Variants in ERBB4 observed in about 807,000 individuals in gnomAD.
ERBB4 encodes the protein erb-b2 receptor tyrosine kinase 4.
A neutral mutation model predicts 158.0 loss-of-function variants in ERBB4; 42 were observed. The observed-to-expected ratio is 0.27, with a 90% CI of 0.21 to 0.34. The LOEUF (loss-of-function observed/expected upper bound fraction) is 0.34, where lower values mean the gene tolerates loss of function less well. Among genes scored for constraint, ERBB4 ranks in the 10% least tolerant of loss-of-function variants. The pLI is 1.00. For missense variants in ERBB4, 1,333 were observed against 1,624.1 expected, an observed-to-expected ratio of 0.82 and a Z score of 3.08; for synonymous variants, 583 against 558.7, an observed-to-expected ratio of 1.04 and a Z score of -0.61.
At position 211,420,428 on chromosome 2, in the gene ERBB4, A is replaced by G; in HGVS notation, c.3135+13T>C. The G allele has an allele frequency of 6.4e-7, 1 of 1,567,100 alleles. No homozygotes were observed. ...CAGAAAGAATATGATATGTGTATAT[A>G]ATTATTTCTTACCCTATTCGAGTCA... On this transcript the variant is annotated intron_variant, in intron 25 of 27. Coordinates refer to ENST00000342788, the MANE Select transcript of ERBB4 (RefSeq NM_005235.3).
intron 16 of ERBB4, among the ~76,000 whole-genome samples, chr2:211,635,558 C>T (rs912061372): frequency 2.0e-5 from 3 of 151,892 alleles, no homozygotes; most frequent in African/African-American, 4.8e-5. Flanking sequence ...TAAAAACATC[C>T]GGATATTTTC....
At chr2:212,520,268 T>C (rs1329891150) in intron 1 of ERBB4, among the ~76,000 whole-genome samples, 1 of 151,958 alleles carries the variant, frequency 6.6e-6, no homozygotes, top group Non-Finnish European at 1.5e-5. Context: ...AATTTATTGC[T>C]TTGCAGTAAA....
In ERBB4 at chr2:211,660,685, G is replaced by A. The variant is rs564578088; in HGVS notation, c.1872-2857C>T. On this transcript the variant is annotated intron_variant, in intron 15 of 27. Transcript: ENST00000342788. ...GAGTATAATGATCAATCTTGAAATAGCATGTAGGAGAAAGTTGAAACCATG... is the reference window on the plus strand; with the variant it reads ...GAGTATAATGATCAATCTTGAAATAACATGTAGGAGAAAGTTGAAACCATG... 2.4e-4 allele frequency among the ~76,000 whole-genome samples: 37 copies of A among 152,268 alleles called. No individual in the cohort carries two copies. In the South Asian group the frequency reaches 7.7e-3, roughly 32 times the overall value.
intron 9 of ERBB4, among the ~76,000 whole-genome samples, chr2:211,707,432 T>C (rs2073492341): frequency 6.6e-6 from 1 of 152,184 alleles, no homozygotes; most frequent in Non-Finnish European, 1.5e-5. Context: ...TGTTTGGTGA[T>C]CCAAAATAAA....
intron 1 of ERBB4, among the ~76,000 whole-genome samples, chr2:212,298,387 T>C (rs1453560441): frequency 1.3e-5 from 2 of 151,778 alleles, no homozygotes; most frequent in Non-Finnish European, 2.9e-5. Context: ...AACTTTGCTG[T>C]TAGGAATTAA....
chr2:212,421,257 T>C (rs551574557), intron 1 of ERBB4, among the ~76,000 whole-genome samples: 3 of 152,242 alleles, frequency 2.0e-5, no homozygotes, highest in African/African-American at 7.2e-5. Flanking sequence ...TCTACACTTT[T>C]CTAGAGATTT....
chr2:211,471,382 C>T (rs549294550), intron 20 of ERBB4, among the ~76,000 whole-genome samples: 1 of 152,208 alleles, frequency 6.6e-6, no homozygotes, highest in Admixed American at 6.6e-5. Flanking sequence ...CAGTGTATTG[C>T]TTCTCATCAA....
At chr2:211,618,768 T>G (rs531241533) in intron 19 of ERBB4, among the ~76,000 whole-genome samples, 9 of 152,182 alleles carry the variant, frequency 5.9e-5, no homozygotes, top group Non-Finnish European at 1.3e-4. Context: ...TCAGTGCAAC[T>G]AATTTTAAGA....
chr2:211,668,867 C>G (rs1310798743), intron 14 of ERBB4, among the ~76,000 whole-genome samples: 2 of 152,100 alleles, frequency 1.3e-5, no homozygotes, highest in African/African-American at 4.8e-5. Context: ...AAAAGCATCC[C>G]TGAATGGTAG....
intron 19 of ERBB4, among the ~76,000 whole-genome samples, chr2:211,607,054 C>T (rs2125824959): frequency 6.6e-6 from 1 of 152,088 alleles, no homozygotes; most frequent in Non-Finnish European, 1.5e-5. Context: ...CCTGATTCAC[C>T]AAAATTCTTT....
intron 3 of ERBB4, among the ~76,000 whole-genome samples, chr2:211,839,105 T>C (rs1575224315): frequency 1.5e-5 from 2 of 131,174 alleles, no homozygotes; most frequent in Non-Finnish European, 3.2e-5. Flanking sequence ...AGAAGCAAAA[T>C]ATTGAAAGAA....
intron 2 of ERBB4, among the ~76,000 whole-genome samples, chr2:212,008,153 C>T (rs536276167): frequency 6.6e-6 from 1 of 152,134 alleles, no homozygotes; most frequent in South Asian, 2.1e-4. Flanking sequence ...ATAGCACTAA[C>T]TTTAATTGTA....
intron 2 of ERBB4, among the ~76,000 whole-genome samples, chr2:211,979,341 T>C (rs2081724535): frequency 6.6e-6 from 1 of 152,186 alleles, no homozygotes; most frequent in Admixed American, 6.5e-5. Context: ...AAATTGCCTA[T>C]AGCAATTTGT....
chr2:211,559,423 T>C (rs1035503044), intron 20 of ERBB4, among the ~76,000 whole-genome samples: 2 of 152,200 alleles, frequency 1.3e-5, no homozygotes, highest in Admixed American at 1.3e-4. Flanking sequence ...GGTAACCATA[T>C]AATATGTTCT....
In ERBB4 at chr2:211,851,384, C is replaced by T. The variant is rs569659476; in HGVS notation, c.422-63225G>A. The stretch of plus-strand genomic sequence containing the variant: ...GAAATTAAATTGGCTTAATCCAATT[C>T]AATCCAGAAAATAATTTTAAAATAT... On this transcript the variant is annotated intron_variant, in intron 3 of 27. Transcript: ENST00000342788. 4.6e-5 allele frequency among the ~76,000 whole-genome samples: 7 copies of T among 151,952 alleles called. No homozygotes were observed. The East Asian group carries it at 1.4e-3, about 29-fold the overall frequency.
At chr2:211,795,604 T>C (rs954892212) in intron 3 of ERBB4, among the ~76,000 whole-genome samples, 2 of 151,892 alleles carry the variant, frequency 1.3e-5, no homozygotes, top group Non-Finnish European at 2.9e-5. Flanking sequence ...CCCCATTCTA[T>C]TTTGTTCTTG....
intron 1 of ERBB4, among the ~76,000 whole-genome samples, chr2:212,355,725 G>T (rs2089438428): frequency 6.6e-6 from 1 of 151,726 alleles, no homozygotes; most frequent in Non-Finnish European, 1.5e-5. Context: ...CCTTTAAAGG[G>T]TATATGTTAT....
At chr2:211,704,990 C>T (rs914786117) in intron 10 of ERBB4, among the ~76,000 whole-genome samples, 9 of 152,188 alleles carry the variant, frequency 5.9e-5, no homozygotes, top group African/African-American at 1.9e-4. Context: ...TGGAGTCTCA[C>T]TCTATTGCCA....
chr2:212,473,976 C>T lies in ERBB4; in HGVS notation c.82+64473G>A, dbSNP rs140566305. ...GGCTTTGACAAGTACTTCATAATAG[C>T]TAACAAAATTCAACCAATTGTAGAA... is the stretch of plus-strand genomic sequence containing the variant. On this transcript the variant is annotated intron_variant, in intron 1 of 27. Coordinates refer to ENST00000342788, the MANE Select transcript of ERBB4 (RefSeq NM_005235.3). 8.9e-3 allele frequency among the ~76,000 whole-genome samples: 1,353 copies of T among 152,128 alleles called. 22 individuals are homozygous for T. The highest frequency in any genetic ancestry group is 0.031 in the African/African-American group (1,295 of 41,522).
Sources: gnomAD v4.1 joint callset for allele counts (sites outside exome capture counted in the v4.1 genomes callset) on GRCh38, gnomAD v4.1.1 for gene constraint, MANE v1.5 for transcripts, NCBI Gene and HGNC (gene_info 2026-07-23, HGNC 2026-07-21) for gene names.